The following RERE variants were observed in gnomAD, a reference collection of about 807,000 sequenced individuals.
RERE encodes arginine-glutamic acid dipeptide repeats, also known as arginine-glutamic acid dipeptide repeats protein.
In RERE, 40 loss-of-function variants were observed where a neutral mutation model predicts 146.1. That is an observed-to-expected ratio of 0.27 (90% CI 0.21 to 0.36). The LOEUF (loss-of-function observed/expected upper bound fraction) is 0.36. Among genes scored for constraint, RERE ranks in the 10% least tolerant of loss-of-function variants. The pLI is 1.00. For synonymous variants in RERE, 1,003 were observed against 866.0 expected, an observed-to-expected ratio of 1.16 and a Z score of -2.78; for missense variants, 1,933 against 2,138.7, an observed-to-expected ratio of 0.90 and a Z score of 1.90.
intron 12 of RERE, chr1:8,380,945 G>C (rs1167712055): frequency 6.6e-6 from 3 of 456,696 alleles, no homozygotes; most frequent in Non-Finnish European, 1.3e-5. Context: ...TCGGCTTCTT[G>C]AGTCCTTCCC....
At chr1:8,515,173 C>T (rs1397019536) in intron 7 of RERE, among the ~76,000 whole-genome samples, 1 of 152,096 alleles carries the variant, frequency 6.6e-6, no homozygotes, top group Admixed American at 6.6e-5. Context: ...GAGTTTGAGA[C>T]CAGCCTGGGC....
rs540696602 is a variant in RERE at position 8,730,819 on chromosome 1, A to T, written c.-144-74378T>A. Among the ~76,000 whole-genome samples, 10 of 152,314 alleles carry T rather than the reference A, an allele frequency of 6.6e-5. No homozygotes were observed. In the South Asian group the frequency reaches 2.1e-3, roughly 32 times the overall value. ...ACTTTATCTGTGAACTGAAGGACTA[A>T]CGCTGCATGAGTGGTTCTCAACCAT... On this transcript the variant is annotated intron_variant, in intron 1 of 22. Transcript: ENST00000400908.
At chr1:8,655,805 G>A (rs185712230) in intron 2 of RERE, among the ~76,000 whole-genome samples, 168 bp downstream of exon 2, 231 of 152,242 alleles carry the variant, frequency 1.5e-3, no homozygotes, top group African/African-American at 5.3e-3. Flanking sequence ...CAAGAAGTGG[G>A]TGAACCTAAC....
intron 4 of RERE, among the ~76,000 whole-genome samples, chr1:8,594,935 G>A (rs1646537419): frequency 1.3e-5 from 2 of 152,098 alleles, no homozygotes; most frequent in South Asian, 4.2e-4. Flanking sequence ...AAGGCAGGAG[G>A]ATCATTTGAG....
At chr1:8,389,881 A>G (rs955603196) in intron 12 of RERE, among the ~76,000 whole-genome samples, 2 of 152,218 alleles carry the variant, frequency 1.3e-5, no homozygotes, top group South Asian at 2.1e-4. Context: ...CCACTTCTGC[A>G]AACAGTTCAT....
intron 1 of RERE, among the ~76,000 whole-genome samples, chr1:8,696,972 A>T (rs1217577873): frequency 6.6e-6 from 1 of 152,188 alleles, no homozygotes; most frequent in Non-Finnish European, 1.5e-5. Context: ...ATAAAATGTA[A>T]TGGAGGTACT....
chr1:8,774,327 C>T (rs1465066188), intron 1 of RERE, among the ~76,000 whole-genome samples: 1 of 148,398 alleles, frequency 6.7e-6, no homozygotes, highest in Non-Finnish European at 1.5e-5. Flanking sequence ...TTAATATTAT[C>T]TCCTTCATTT....
intron 7 of RERE, chr1:8,519,650 T>G (rs1021436082): frequency 6.6e-6 from 1 of 152,212 alleles, no homozygotes; most frequent in Non-Finnish European, 1.5e-5. Flanking sequence ...CTCTATATAC[T>G]GGCAATAAGT....
chr1:8,575,364 A>G (rs1646277704), intron 4 of RERE, among the ~76,000 whole-genome samples: 1 of 151,034 alleles, frequency 6.6e-6, no homozygotes, highest in Non-Finnish European at 1.5e-5. Flanking sequence ...AACTGATAAC[A>G]AAGGATGAAA....
chr1:8,511,890 A>T (rs1272878370), intron 7 of RERE: 1 of 151,398 alleles, frequency 6.6e-6, no homozygotes, highest in African/African-American at 2.4e-5. Context: ...CACCCCCATG[A>T]GGCTGCAGCC....
At chr1:8,809,976 A>C (rs750178801) in intron 1 of RERE, among the ~76,000 whole-genome samples, 2 of 151,896 alleles carry the variant, frequency 1.3e-5, no homozygotes, top group Non-Finnish European at 2.9e-5. Context: ...TCCTGAGCAC[A>C]GTTTGTTGTT....
At chr1:8,525,610 A>G in intron 7 of RERE, 1 of 796,850 alleles carries the variant, frequency 1.3e-6, no homozygotes, top group South Asian at 2.0e-5. Flanking sequence ...ACGCTTCACA[A>G]TACCACCTAC....
At chr1:8,609,822 T>C (rs964372770) in intron 4 of RERE, among the ~76,000 whole-genome samples, 1 of 152,212 alleles carries the variant, frequency 6.6e-6, no homozygotes, top group African/African-American at 2.4e-5. Context: ...GGTAAGTGCC[T>C]TACTTCAGCA....
At chr1:8,699,112 T>C (rs779724062) in intron 1 of RERE, among the ~76,000 whole-genome samples, 5 of 152,224 alleles carry the variant, frequency 3.3e-5, no homozygotes, top group Admixed American at 6.5e-5. Context: ...ATCTTTTTTG[T>C]ATCTTCAGCA....
intron 4 of RERE, among the ~76,000 whole-genome samples, chr1:8,568,918 A>C (rs541320281): frequency 1.3e-3 from 202 of 152,248 alleles, no homozygotes; most frequent in African/African-American, 4.6e-3. Flanking sequence ...TGACTAATAC[A>C]CTGACAAATA....
intron 1 of RERE, among the ~76,000 whole-genome samples, chr1:8,675,744 T>TACAA (rs1638826871): frequency 6.8e-6 from 1 of 146,320 alleles, no homozygotes. Flanking sequence ...CATATATACA[T>TACAA]ACATACATAC....
chr1:8,434,477 G>C (rs1034317787), intron 11 of RERE, among the ~76,000 whole-genome samples: 3 of 152,194 alleles, frequency 2.0e-5, no homozygotes, highest in East Asian at 1.9e-4. Flanking sequence ...CTTTACATTT[G>C]TGACAAACTA....
chr1:8,563,726 T>C (rs1410172673), intron 4 of RERE, among the ~76,000 whole-genome samples: 1 of 152,202 alleles, frequency 6.6e-6, no homozygotes, highest in Non-Finnish European at 1.5e-5. Flanking sequence ...CAGATCAAAA[T>C]TCTTACTCTA....
intron 2 of RERE, among the ~76,000 whole-genome samples, chr1:8,640,267 C>T (rs1482487955): frequency 2.0e-5 from 3 of 152,096 alleles, no homozygotes; most frequent in Non-Finnish European, 4.4e-5. Flanking sequence ...CAAAGCTCCC[C>T]TCCCAACTTT....
Sources: gnomAD v4.1 joint callset for allele counts (sites outside exome capture counted in the v4.1 genomes callset) on GRCh38, gnomAD v4.1.1 for gene constraint, MANE v1.5 for transcripts, NCBI Gene and HGNC (gene_info 2026-07-23, HGNC 2026-07-21) for gene names.